CFAP69: variants seen among roughly 807,000 people sequenced by gnomAD.
CFAP69 encodes cilia and flagella associated protein 69, also known as cilia- and flagella-associated protein 69.
Under a neutral mutation model 123.0 loss-of-function variants are expected in CFAP69, and 92 were observed. The observed-to-expected ratio is 0.75, with a 90% CI of 0.63 to 0.89. CFAP69 has a LOEUF of 0.89. Ranked by LOEUF, CFAP69 falls within the 40% of genes least tolerant of loss-of-function variation. The pLI, the probability that CFAP69 is intolerant of heterozygous loss-of-function variation, is 0.00. For synonymous variants in CFAP69, 380 were observed against 364.3 expected (o/e 1.04, Z -0.49); for missense variants, 1,067 against 1,096.9 (o/e 0.97, Z 0.39).
intron 3 of CFAP69, among the ~76,000 whole-genome samples, chr7:90,260,532 TAAAAAAAA>T (rs1009937239): frequency 8.6e-5 from 13 of 151,516 alleles, no homozygotes; most frequent in African/African-American, 3.2e-4. Context: ...ATCCTGTCTC[TAAAAAAAA>T]GAAAAAAAGA....
At chr7:90,246,121 T>C (rs549715965) in intron 1 of CFAP69, among the ~76,000 whole-genome samples, 1 of 151,826 alleles carries the variant, frequency 6.6e-6, no homozygotes, top group African/African-American at 2.4e-5. Context: ...GAGAATAGAG[T>C]TGATTTGTTT....
intron 9 of CFAP69, among the ~76,000 whole-genome samples, chr7:90,275,016 AT>A (rs1179456966): frequency 1.3e-5 from 2 of 151,422 alleles, no homozygotes; most frequent in East Asian, 1.9e-4. Context: ...TTTTTCAATC[AT>A]TTTTCTCTCT....
In CFAP69 at chr7:90,310,904, G is replaced by A. The variant is rs1794267073; in HGVS notation, c.*666G>A. 6.6e-6 allele frequency: 1 copy of A among 152,054 alleles called. No homozygotes were observed. The highest frequency in any genetic ancestry group is 1.5e-5 in the Non-Finnish European group (1 of 68,024). 9.4% of individuals were successfully genotyped at this position (152,054 alleles called of 1,614,324 possible). A position where few individuals can be genotyped will look rare whatever the true frequency, so the allele number is the denominator to read the frequency against. On this transcript the variant is annotated 3_prime_UTR_variant, in exon 23 of 23. Coordinates refer to ENST00000389297, the MANE Select transcript of CFAP69 (RefSeq NM_001039706.3). ...AGCAAGTATATATGAATATTGGGCA[G>A]CAAGATAAACAATAACTCTGCAACA...
chr7:90,307,987 T>C, intron 21 of CFAP69, 133 bp downstream of exon 21: 1 of 532,324 alleles, frequency 1.9e-6, no homozygotes, highest in Middle Eastern at 4.8e-4. Flanking sequence ...TAGATGCTCA[T>C]ATGCAATTTA....
chr7:90,250,442 A>G (rs1796879167), intron 1 of CFAP69, among the ~76,000 whole-genome samples: 1 of 152,188 alleles, frequency 6.6e-6, no homozygotes. Context: ...CAAAAATGCC[A>G]GACACATGAA....
chr7:90,323,630 C>G, the CFAP69 span, among the ~76,000 whole-genome samples: 1 of 152,078 alleles, frequency 6.6e-6, no homozygotes, highest in East Asian at 1.9e-4. Context: ...GAAAAAAGCA[C>G]AGCAAAAGTG....
intron 1 of CFAP69, 99 bp downstream of exon 1, chr7:90,245,643 A>T: frequency 7.3e-7 from 1 of 1,373,938 alleles, no homozygotes; most frequent in African/African-American, 1.5e-5. Flanking sequence ...AACTGGGGAC[A>T]GGAGTGAAGA....
At chr7:90,264,247 T>A (rs895010198) in intron 4 of CFAP69, among the ~76,000 whole-genome samples, 2 of 150,610 alleles carry the variant, frequency 1.3e-5, no homozygotes, top group Non-Finnish European at 3.0e-5. Flanking sequence ...GTTTATATAT[T>A]TAAAAAATAA....
At chr7:90,289,049 T>A (rs893684268) in intron 15 of CFAP69, among the ~76,000 whole-genome samples, 4 of 152,026 alleles carry the variant, frequency 2.6e-5, no homozygotes, top group African/African-American at 9.7e-5. Context: ...ATTACATTGT[T>A]TTTACTTGTT....
Position 90,299,858 on chromosome 7 carries a change from T to C in CFAP69, c.1858-9T>C. ...GCAACTTTTTTCCTTTTCTGTTTCC[T>C]TGCTAAAGTTGAACCAAAAAAAATT... On this transcript the variant is annotated splice_polypyrimidine_tract_variant and intron_variant, in intron 16 of 22. Transcript: ENST00000389297. 1 of 1,581,510 alleles carries C rather than the reference T, an allele frequency of 6.3e-7. No individual in the cohort carries two copies. The highest frequency in any genetic ancestry group is 1.2e-5 in the South Asian group (1 of 85,228).
chr7:90,272,036 G>A (rs1800028153), intron 8 of CFAP69, 78 bp downstream of exon 8: 1 of 1,321,390 alleles, frequency 7.6e-7, no homozygotes, highest in South Asian at 1.6e-5. Flanking sequence ...ATCTTTGTTT[G>A]AATCTGTGTT....
chr7:90,289,205 C>T lies in CFAP69; in HGVS notation c.1775+853C>T, dbSNP rs973664375. Among the ~76,000 whole-genome samples the T allele has an allele frequency of 7.2e-5, 11 of 151,926 alleles. No homozygotes were observed. In the East Asian group the frequency reaches 1.4e-3, roughly 19 times the overall value. ...AAATGCCCAGATCTGGGCATTTTTA[C>T]GTCTGTTCAGCTTTAGGAGATAATA... On this transcript the variant is annotated intron_variant, in intron 15 of 22. Coordinates refer to ENST00000389297, the MANE Select transcript of CFAP69 (RefSeq NM_001039706.3).
At chr7:90,311,717 T>TC (rs1439345866), downstream of CFAP69, among the ~76,000 whole-genome samples, 5 of 152,128 alleles carry the variant, frequency 3.3e-5, no homozygotes, top group Admixed American at 1.3e-4. Context: ...GCAGCTCTTG[T>TC]CATTGTTCTA....
intron 17 of CFAP69, chr7:90,300,703 T>C (rs553998360): frequency 4.8e-6 from 1 of 207,952 alleles, no homozygotes; most frequent in African/African-American, 2.4e-5. Flanking sequence ...CAGACTGGGG[T>C]GTGATGGTGC....
chr7:90,286,569 C>A, intron 14 of CFAP69, 170 bp downstream of exon 14: 1 of 563,658 alleles, frequency 1.8e-6, no homozygotes, highest in Non-Finnish European at 2.9e-6. Context: ...ACAGTATACA[C>A]CCATTTAACT....
intron 12 of CFAP69, among the ~76,000 whole-genome samples, chr7:90,281,583 T>A (rs1011213434): frequency 6.6e-6 from 1 of 152,222 alleles, no homozygotes; most frequent in Non-Finnish European, 1.5e-5. Context: ...CTCTTCACTT[T>A]GTTTTTTCTA....
At chr7:90,273,124 G>T (rs555541646) in intron 8 of CFAP69, among the ~76,000 whole-genome samples, 1 of 152,292 alleles carries the variant, frequency 6.6e-6, no homozygotes, top group South Asian at 2.1e-4. Context: ...GCTTCCTAAT[G>T]AACTCAAGTC....
intron 2 of CFAP69, among the ~76,000 whole-genome samples, 182 bp from the exon 3 acceptor site, chr7:90,257,916 C>T (rs1382256769): frequency 2.0e-5 from 3 of 152,058 alleles, no homozygotes; most frequent in Non-Finnish European, 4.4e-5. Flanking sequence ...ATCATACAGT[C>T]GTTCTGATAG....
At chr7:90,281,460 A>G (rs373296259) in intron 12 of CFAP69, among the ~76,000 whole-genome samples, 1 of 152,220 alleles carries the variant, frequency 6.6e-6, no homozygotes, top group Non-Finnish European at 1.5e-5. Context: ...TGGAGAGACC[A>G]ATGGCATGGA....
Sources: allele counts gnomAD v4.1 joint callset (sites outside exome capture counted in the v4.1 genomes callset), GRCh38; gene constraint gnomAD v4.1.1; transcripts MANE v1.5; gene names NCBI Gene and HGNC (gene_info 2026-07-23, HGNC 2026-07-21).